Variants in DNAJC5 observed in about 807,000 individuals in gnomAD.
DNAJC5 encodes dnaJ homolog subfamily C member 5.
Under a neutral mutation model 23.2 loss-of-function variants are expected in DNAJC5, and 1 was observed. That is an observed-to-expected ratio of 0.04 (90% CI 0.02 to 0.20). The LOEUF is 0.20. DNAJC5 is among the 10% of genes least tolerant of loss of function. DNAJC5 has a pLI of 1.00. For synonymous variants in DNAJC5, 136 were observed against 120.0 expected, an observed-to-expected ratio of 1.13 and a Z score of -0.87; for missense variants, 180 against 267.0, an observed-to-expected ratio of 0.67 and a Z score of 2.27.
intron 1 of DNAJC5, chr20:63,909,057 A>C (rs1239605393): frequency 6.6e-6 from 1 of 152,178 alleles, no homozygotes; most frequent in Non-Finnish European, 1.5e-5. Flanking sequence ...GTTTTCCCCA[A>C]ATGTGGGAAA....
intron 1 of DNAJC5, among the ~76,000 whole-genome samples, chr20:63,927,409 G>A (rs962355606): frequency 6.6e-6 from 1 of 152,142 alleles, no homozygotes; most frequent in Non-Finnish European, 1.5e-5. Flanking sequence ...GGTGGCACAT[G>A]CCTGTAATCC....
intron 1 of DNAJC5, among the ~76,000 whole-genome samples, chr20:63,900,117 G>A (rs947786892): frequency 6.7e-6 from 1 of 149,660 alleles, no homozygotes; most frequent in Non-Finnish European, 1.5e-5. Context: ...TTGAACTCCT[G>A]ACCTCAGGTG....
At chr20:63,912,631 C>T (rs886382339) in intron 1 of DNAJC5, among the ~76,000 whole-genome samples, 3 of 152,120 alleles carry the variant, frequency 2.0e-5, no homozygotes, top group Non-Finnish European at 2.9e-5. Flanking sequence ...GACGGAGTCT[C>T]GCTCTGTCGC....
At chr20:63,921,085 G>A (rs1179698571) in intron 1 of DNAJC5, among the ~76,000 whole-genome samples, 2 of 152,014 alleles carry the variant, frequency 1.3e-5, no homozygotes, top group Non-Finnish European at 2.9e-5. Flanking sequence ...TCAGCCTCCT[G>A]AGTAGGTGGG....
At position 63,919,741 on chromosome 20, in the gene DNAJC5, G is replaced by A. The variant is rs2053550981; in HGVS notation, c.-11-8594G>A. The A allele has an allele frequency of 6.9e-6, 3 of 432,598 alleles. 1 individual carries two copies. The highest frequency in any genetic ancestry group is 8.7e-6 in the Non-Finnish European group (2 of 229,596). The allele number at this position is 432,598 out of a possible 1,614,324, so 26.8% of individuals were successfully genotyped here. A position where few individuals can be genotyped will look rare whatever the true frequency, so the allele number is the denominator to read the frequency against. ...ACGCACAGGACAGCGCCACGGAAGA[G>A]GACGCACCCGGCTGTGTGCACATGT... On this transcript the variant is annotated intron_variant, in intron 1 of 4. Coordinates refer to ENST00000360864, the MANE Select transcript of DNAJC5 (RefSeq NM_025219.3).
rs1439373756 is a variant in DNAJC5, at chr20:63,920,807, A to G, written c.-11-7528A>G. 6.6e-6 allele frequency among the ~76,000 whole-genome samples: 1 copy of G among 152,048 alleles called. No individual in the cohort carries two copies. The highest frequency in any genetic ancestry group is 1.5e-5 in the Non-Finnish European group (1 of 68,012). ...ATTCTCCTGCCTCAGCCTCCTGAGT[A>G]GCTGGGATTACAGGTGTGTGCCACC... On this transcript the variant is annotated intron_variant, in intron 1 of 4. Transcript: ENST00000360864. This position sits in a 1 kb window ranked among gnomAD's most constrained non-coding sequence, Gnocchi z 4.6.
chr20:63,922,158 T>G (rs1430487241), intron 1 of DNAJC5, among the ~76,000 whole-genome samples: 1 of 152,026 alleles, frequency 6.6e-6, no homozygotes, highest in African/African-American at 2.4e-5. Context: ...ACTCCCGGAC[T>G]CATTACCCCA....
At chr20:63,910,313 G>A (rs1205663053) in intron 1 of DNAJC5, among the ~76,000 whole-genome samples, 3 of 152,150 alleles carry the variant, frequency 2.0e-5, no homozygotes, top group Admixed American at 6.5e-5. Context: ...GGGAGGCGGG[G>A]GTGGGCAGAT....
Position 63,905,686 on chromosome 20 carries a change from C to T in DNAJC5, c.-12+10363C>T, listed in dbSNP as rs151020082. ...CTGGGTTCAAGCAATTCTCCTGCCT[C>T]AGCCTCCCGAGTAGCTGGGATTATA... On this transcript the variant is annotated intron_variant, in intron 1 of 4. Transcript: ENST00000360864. Among the ~76,000 whole-genome samples, 1,370 of 151,930 alleles carry T rather than the reference C, an allele frequency of 9.0e-3. 8 individuals are homozygous for T. The highest frequency in any genetic ancestry group is 0.031 in the African/African-American group (1,304 of 41,412).
intron 1 of DNAJC5, among the ~76,000 whole-genome samples, chr20:63,923,268 C>T (rs1357941994): frequency 3.3e-5 from 5 of 152,120 alleles, no homozygotes; most frequent in East Asian, 1.9e-4. Flanking sequence ...AAAGCCAGAC[C>T]GTGTCTCTAT....
intron 1 of DNAJC5, among the ~76,000 whole-genome samples, chr20:63,907,335 G>A (rs1336071501): frequency 2.0e-5 from 3 of 152,178 alleles, no homozygotes; most frequent in African/African-American, 4.8e-5. Flanking sequence ...CTGAGTCTCA[G>A]TCTTCTTAGC....
intron 1 of DNAJC5, among the ~76,000 whole-genome samples, chr20:63,904,864 C>T (rs1324925307): frequency 3.3e-5 from 5 of 152,044 alleles, no homozygotes; most frequent in African/African-American, 4.8e-5. Context: ...AGTGCAACGG[C>T]GCGATCTCGG....
At chr20:63,925,850 C>T (rs1404758025) in intron 1 of DNAJC5, among the ~76,000 whole-genome samples, 4 of 124,454 alleles carry the variant, frequency 3.2e-5, no homozygotes, top group African/African-American at 6.2e-5. Flanking sequence ...TTTTTTGAGA[C>T]GGAGTCTCGC....
chr20:63,930,138 T>G (rs1303602977), intron 3 of DNAJC5, among the ~76,000 whole-genome samples: 1 of 152,258 alleles, frequency 6.6e-6, no homozygotes, highest in African/African-American at 2.4e-5. Context: ...TGTATTTGGC[T>G]TTGACTGGTC....
intron 1 of DNAJC5, among the ~76,000 whole-genome samples, chr20:63,923,271 GTC>G (rs2053586330): frequency 6.6e-6 from 1 of 152,084 alleles, no homozygotes; most frequent in Non-Finnish European, 1.5e-5. Flanking sequence ...GCCAGACCGT[GTC>G]TCTATAGAAA....
chr20:63,929,984 C>T lies in DNAJC5; in HGVS notation c.321+459C>T, dbSNP rs2053653059. On this transcript the variant is annotated intron_variant, in intron 3 of 4. Transcript: ENST00000360864. This position sits in a 1 kb window ranked among gnomAD's most constrained non-coding sequence, Gnocchi z 8.6. ...CCGTGCGGAGCCGCCAGGGTTTCTTCTGTAAATGGCTCCCAGTCCTTCGTG... is the reference window on the plus strand; with the variant it reads ...CCGTGCGGAGCCGCCAGGGTTTCTTTTGTAAATGGCTCCCAGTCCTTCGTG... Among the ~76,000 whole-genome samples, 2 of 152,332 alleles carry T rather than the reference C, an allele frequency of 1.3e-5. No homozygotes were observed. The highest frequency in any genetic ancestry group is 4.8e-5 in the African/African-American group (2 of 41,570).
At position 63,931,981 on chromosome 20, in the gene DNAJC5, G is replaced by A. The variant is rs1235137101; in HGVS notation, c.*413G>A. The stretch of plus-strand genomic sequence containing the variant: ...CTTTCCTACCTGTGCTTGAGGGGCC[G>A]GAGGCAGGTGCTGCCTGGCAGAGCT... On this transcript the variant is annotated 3_prime_UTR_variant, in exon 5 of 5. Transcript: ENST00000360864. The surrounding 1 kb of genome is among the most constrained non-coding windows in gnomAD (Gnocchi z 9.6). 1.2e-5 allele frequency: 4 copies of A among 339,796 alleles called. No homozygotes were observed. Among genetic ancestry groups the A allele is most frequent in the South Asian group, 4.7e-5 (2 of 42,254 alleles). 21.0% of individuals were successfully genotyped at this position (339,796 alleles called of 1,614,324 possible).
chr20:63,902,998 A>G (rs1445406684), intron 1 of DNAJC5, among the ~76,000 whole-genome samples: 4 of 151,640 alleles, frequency 2.6e-5, no homozygotes, highest in Admixed American at 2.0e-4. Flanking sequence ...TTTTTACAAC[A>G]GGGTGTCACT....
Position 63,920,997 on chromosome 20 carries a change from T to C in DNAJC5, c.-11-7338T>C, listed in dbSNP as rs967506583. 6.6e-6 allele frequency among the ~76,000 whole-genome samples: 1 copy of C among 152,064 alleles called. No homozygotes were observed. The highest frequency in any genetic ancestry group is 2.4e-5 in the African/African-American group (1 of 41,416). ...GTTTTGAGACGGAGTTTCACTATTG[T>C]TACGCAGACTGGAGTGCAACGGCAC... is the stretch of plus-strand genomic sequence containing the variant. On this transcript the variant is annotated intron_variant, in intron 1 of 4. Transcript: ENST00000360864. The surrounding 1 kb of genome is among the most constrained non-coding windows in gnomAD (Gnocchi z 4.6).
Sources: gnomAD v4.1 joint callset for allele counts (sites outside exome capture counted in the v4.1 genomes callset) on GRCh38, gnomAD v4.1.1 for gene constraint, Gnocchi (gnomAD v3.1) non-coding constraint, MANE v1.5 for transcripts, NCBI Gene and HGNC (gene_info 2026-07-23, HGNC 2026-07-21) for gene names.